The following PDE11A variants were observed in gnomAD, a reference collection of about 807,000 sequenced individuals.
PDE11A encodes dual 3',5'-cyclic-AMP and -GMP phosphodiesterase 11A.
A neutral mutation model predicts 100.5 loss-of-function variants in PDE11A; 100 were observed. The observed-to-expected ratio is 1.00, with a 90% CI of 0.85 to 1.18. The LOEUF (loss-of-function observed/expected upper bound fraction) is 1.18. Among genes scored for constraint, PDE11A ranks in the 50% most tolerant of loss-of-function variants. The pLI is 0.00. For synonymous variants in PDE11A, 381 were observed against 420.8 expected, an observed-to-expected ratio of 0.91 and a Z score of 1.16; for missense variants, 1,141 against 1,152.6, an observed-to-expected ratio of 0.99 and a Z score of 0.15.
At chr2:177,815,744 A>G (rs2083027751) in intron 9 of PDE11A, among the ~76,000 whole-genome samples, 1 of 152,246 alleles carries the variant, frequency 6.6e-6, no homozygotes, top group Admixed American at 6.5e-5. Flanking sequence ...AAATCAGAGC[A>G]GTGCAGGTAA....
In PDE11A at chr2:177,898,137, T is replaced by C. The variant is rs750565448; in HGVS notation, c.1223A>G (p.Lys408Arg). The C allele has an allele frequency of 6.2e-7, 1 of 1,611,458 alleles. No individual in the cohort carries two copies. ...AGTTTGGGCCCGATGCATTATTTTC[T>C]TGACAATTTTCTCCAGGTCAGTCTG... Reference protein sequence around the residue: ...EEQTDLEKIVKKIMHRAQTLL... With the variant: ...EEQTDLEKIVRKIMHRAQTLL... The change falls in exon 4 of 20, where the codon AAG (lysine) becomes AGG (arginine). Residue 408 changes from lysine to arginine, a missense_variant. Lys to Arg is a conservative substitution (Grantham distance 26). Coordinates refer to ENST00000286063, the MANE Select transcript of PDE11A (RefSeq NM_016953.4).
chr2:178,101,859 A>G lies in PDE11A; in HGVS notation c.162+2443T>C, dbSNP rs189455474. ...AATAATAAATATGCTGATATTTTAA[A>G]AGATGATAAAATACTACTGACTTGA... On this transcript the variant is annotated intron_variant, in intron 2 of 20. Transcript: ENST00000358450. Among the ~76,000 whole-genome samples, 4 of 152,340 alleles carry G rather than the reference A, an allele frequency of 2.6e-5. No individual in the cohort carries two copies. The East Asian group carries it at 7.7e-4, about 29-fold the overall frequency.
At chr2:177,844,517 C>CTT (rs745363380) in intron 5 of PDE11A, among the ~76,000 whole-genome samples, 2 of 143,860 alleles carry the variant, frequency 1.4e-5, no homozygotes, top group Non-Finnish European at 1.5e-5. Context: ...TTTGGAATTC[C>CTT]TTTTTTTTTT....
chr2:177,789,450 C>G (rs2105532103), intron 9 of PDE11A, among the ~76,000 whole-genome samples: 1 of 151,788 alleles, frequency 6.6e-6, no homozygotes, highest in East Asian at 1.9e-4. Flanking sequence ...TGGGCAAAAA[C>G]TGGAAGCATT....
At chr2:178,055,484 A>C (rs879702986) in intron 1 of PDE11A, among the ~76,000 whole-genome samples, 15 of 152,162 alleles carry the variant, frequency 9.9e-5, no homozygotes, top group Non-Finnish European at 4.4e-5. Context: ...GTACCCTAGA[A>C]CTTAAAGTAT....
chr2:177,816,103 C>T (rs769246578), intron 9 of PDE11A, among the ~76,000 whole-genome samples: 2 of 151,778 alleles, frequency 1.3e-5, no homozygotes, highest in Non-Finnish European at 2.9e-5. Flanking sequence ...CCCAGCTACT[C>T]GGGAGGCTGA....
intron 9 of PDE11A, among the ~76,000 whole-genome samples, chr2:177,787,874 C>T (rs1438499278): frequency 2.0e-5 from 3 of 152,084 alleles, no homozygotes; most frequent in South Asian, 2.1e-4. Context: ...ACAGGAGCAC[C>T]CAGATTCATA....
chr2:178,008,502 C>T (rs1311932857), intron 2 of PDE11A, among the ~76,000 whole-genome samples: 1 of 152,130 alleles, frequency 6.6e-6, no homozygotes, highest in Non-Finnish European at 1.5e-5. Context: ...CAATTTGTTG[C>T]CCCTTCTCAG....
intron 12 of PDE11A, among the ~76,000 whole-genome samples, chr2:177,721,188 A>G (rs1302576592): frequency 1.3e-5 from 2 of 152,188 alleles, no homozygotes; most frequent in Non-Finnish European, 2.9e-5. Context: ...ATAGAATACC[A>G]TTAATATAAT....
chr2:177,729,427 TTCTC>T (rs1249649017), intron 10 of PDE11A, among the ~76,000 whole-genome samples: 1 of 152,184 alleles, frequency 6.6e-6, no homozygotes, highest in East Asian at 1.9e-4. Context: ...GGGGATGCCT[TTCTC>T]TCTTTCTTTT....
In PDE11A at chr2:177,899,388, CAG is replaced by C. The variant is rs538322882; in HGVS notation, c.1162-1192_1162-1191del. 3.7e-3 allele frequency: 682 copies of C among 183,868 alleles called. 3 individuals are homozygous for C. The highest frequency in any genetic ancestry group is 6.1e-3 in the Middle Eastern group (3 of 492). 11.4% of individuals were successfully genotyped at this position (183,868 alleles called of 1,614,324 possible). A position where few individuals can be genotyped will look rare whatever the true frequency, so the allele number is the denominator to read the frequency against. ...CGCCACTGCACTCCAGTCTGGACAA[CAG>C]AGTGAGACTCTTTCTAAAAAACAAA... On this transcript the variant is annotated intron_variant, in intron 3 of 19. Coordinates refer to ENST00000286063, the MANE Select transcript of PDE11A (RefSeq NM_016953.4).
At chr2:177,641,426 C>CCAA (rs1553531414) in intron 19 of PDE11A, among the ~76,000 whole-genome samples, 2 of 136,080 alleles carry the variant, frequency 1.5e-5, no homozygotes, top group Non-Finnish European at 3.1e-5. Context: ...TTTACTGAGT[C>CCAA]AAAAAAAAAA....
At chr2:177,629,628 C>T (rs2079887816) in intron 19 of PDE11A, 66 bp from the exon 20 acceptor site, 1 of 1,528,010 alleles carries the variant, frequency 6.5e-7, no homozygotes, top group South Asian at 1.1e-5. Flanking sequence ...CATGATTTTC[C>T]ACCTTTCACT....
chr2:178,028,210 C>G (rs1032897071), intron 1 of PDE11A, among the ~76,000 whole-genome samples: 1 of 150,650 alleles, frequency 6.6e-6, no homozygotes, highest in Non-Finnish European at 1.5e-5. Flanking sequence ...TCTTTATTTC[C>G]TTGGTGTTCA....
chr2:177,831,025 C>G (rs1479353746), intron 6 of PDE11A, among the ~76,000 whole-genome samples: 3 of 152,298 alleles, frequency 2.0e-5, no homozygotes, highest in South Asian at 2.1e-4. Flanking sequence ...AGAGTCTGGC[C>G]TTAAAACCAT....
intron 4 of PDE11A, among the ~76,000 whole-genome samples, chr2:177,896,756 A>T (rs2084618743): frequency 6.6e-6 from 1 of 152,196 alleles, no homozygotes. Context: ...CCTACCTTAT[A>T]AGATAAGGAT....
chr2:178,016,455 T>A (rs889225414), intron 1 of PDE11A, among the ~76,000 whole-genome samples: 3 of 152,124 alleles, frequency 2.0e-5, no homozygotes, highest in African/African-American at 7.2e-5. Flanking sequence ...AAATCAGCAA[T>A]CTGTATTAAT....
intron 2 of PDE11A, among the ~76,000 whole-genome samples, chr2:177,961,680 C>T (rs983553893): frequency 2.6e-5 from 4 of 151,990 alleles, no homozygotes; most frequent in African/African-American, 9.7e-5. Flanking sequence ...TTTTTACTTA[C>T]ATTTAATTTT....
chr2:177,700,151 T>C (rs991244641), intron 14 of PDE11A, among the ~76,000 whole-genome samples: 2 of 152,130 alleles, frequency 1.3e-5, no homozygotes, highest in African/African-American at 4.8e-5. Flanking sequence ...AAATACATCA[T>C]TCCCAGCAGG....
Sources: allele counts gnomAD v4.1 joint callset (sites outside exome capture counted in the v4.1 genomes callset), GRCh38; gene constraint gnomAD v4.1.1; transcripts MANE v1.5; gene names NCBI Gene and HGNC (gene_info 2026-07-23, HGNC 2026-07-21).